HIGD1A: variants seen among roughly 807,000 people sequenced by gnomAD.
HIGD1A encodes HIG1 domain family member 1A, mitochondrial.
HIGD1A carries 8 observed loss-of-function variants against 11.3 expected under a neutral mutation model. The ratio of observed to expected loss-of-function variants is 0.71; its 90% confidence interval spans 0.42 to 1.28. The LOEUF is 1.28. HIGD1A is among the 50% of genes most tolerant of loss of function. HIGD1A has a pLI of 0.01. For missense variants in HIGD1A, 107 were observed against 118.8 expected, an observed-to-expected ratio of 0.90 and a Z score of 0.46; for synonymous variants, 32 against 38.4, an observed-to-expected ratio of 0.83 and a Z score of 0.62.
intron 3 of HIGD1A, 60 bp from the exon 4 acceptor site, chr3:42,785,380 A>T: frequency 7.2e-7 from 1 of 1,396,750 alleles, no homozygotes; most frequent in Non-Finnish European, 1.0e-6. Context: ...CAAAAATAAA[A>T]ACCAGTTCAT....
chr3:42,790,236 T>C (rs1203600023), intron 2 of HIGD1A, among the ~76,000 whole-genome samples: 1 of 152,084 alleles, frequency 6.6e-6, no homozygotes, highest in Non-Finnish European at 1.5e-5. Flanking sequence ...GAGAATCAAA[T>C]GAAACACAAC....
rs567784381 is a variant in HIGD1A at position 42,783,456 on chromosome 3, AAC to A, written c.*1813_*1814del. ...ATGGTGAAACCTCGCCTTTACTAAA[AAC>A]ACAAAAATTAGCCCGACATGGTGGC... is the stretch of plus-strand genomic sequence containing the variant. On this transcript the variant is annotated 3_prime_UTR_variant, in exon 4 of 4. Transcript: ENST00000321331. 5.4e-3 allele frequency among the ~76,000 whole-genome samples: 827 copies of A among 151,850 alleles called. 7 individuals carry two copies. Among genetic ancestry groups the A allele is most frequent in the African/African-American group, 0.019 (795 of 41,410 alleles).
chr3:42,789,132 C>T, intron 2 of HIGD1A, among the ~76,000 whole-genome samples: 1 of 149,018 alleles, frequency 6.7e-6, no homozygotes, highest in East Asian at 2.0e-4. Context: ...CCTCCGACTC[C>T]TGAGTTCAAG....
At chr3:42,785,993 G>A (rs766434718) in intron 3 of HIGD1A, 35 bp downstream of exon 3, 21 of 1,609,004 alleles carry the variant, frequency 1.3e-5, no homozygotes, top group Non-Finnish European at 1.7e-5. Flanking sequence ...ACCTTAATGA[G>A]AAACGAAAAT....
At chr3:42,787,590 C>CA (rs375399059) in intron 2 of HIGD1A, among the ~76,000 whole-genome samples, 1,361 of 115,902 alleles carry the variant, frequency 0.012, 57 homozygotes, top group African/African-American at 0.037. Context: ...GACTCCATCT[C>CA]AAAAATATAT....
chr3:42,790,509 A>T (rs1353366808), intron 2 of HIGD1A, among the ~76,000 whole-genome samples: 1 of 152,188 alleles, frequency 6.6e-6, no homozygotes, highest in Non-Finnish European at 1.5e-5. Context: ...CTCCAGCCTG[A>T]GCGACAGAGC....
At position 42,784,476 on chromosome 3, in the gene HIGD1A, A is replaced by G. The variant is rs976683651; in HGVS notation, c.*795T>C. The G allele has an allele frequency of 2.0e-5, 3 of 152,578 alleles. No individual in the cohort carries two copies. Among genetic ancestry groups the G allele is most frequent in the Non-Finnish European group, 4.4e-5 (3 of 68,052 alleles). 9.5% of individuals were successfully genotyped at this position (152,578 alleles called of 1,614,324 possible). On this transcript the variant is annotated 3_prime_UTR_variant, in exon 4 of 4. Transcript: ENST00000321331. ...TCATAAGTCATTAACCAAATCCATT[A>G]TAGGTAATTTGTTCAGTTCAATGTT...
intron 1 of HIGD1A, among the ~76,000 whole-genome samples, chr3:42,802,680 A>G (rs1700581604): frequency 6.6e-6 from 1 of 152,232 alleles, no homozygotes; most frequent in Non-Finnish European, 1.5e-5. Context: ...AAATCAGATG[A>G]ATAATCCAAG....
At chr3:42,790,508 G>A (rs1292379906) in intron 2 of HIGD1A, among the ~76,000 whole-genome samples, 1 of 152,210 alleles carries the variant, frequency 6.6e-6, no homozygotes, top group East Asian at 1.9e-4. Flanking sequence ...ACTCCAGCCT[G>A]AGCGACAGAG....
At chr3:42,789,569 A>AC (rs1406366260) in intron 2 of HIGD1A, among the ~76,000 whole-genome samples, 2 of 151,362 alleles carry the variant, frequency 1.3e-5, no homozygotes, top group African/African-American at 4.8e-5. Context: ...TCCAAGAACA[A>AC]AAAAAAAAAC....
chr3:42,804,173 C>T, intron 1 of HIGD1A: 6 of 1,611,376 alleles, frequency 3.7e-6, no homozygotes, highest in Non-Finnish European at 4.2e-6. Context: ...GCAACTCACT[C>T]CACAAGCTTC....
chr3:42,801,435 G>C (rs1363782288), intron 1 of HIGD1A, among the ~76,000 whole-genome samples: 1 of 152,172 alleles, frequency 6.6e-6, no homozygotes, highest in Non-Finnish European at 1.5e-5. Flanking sequence ...CTTCAAGTCA[G>C]GGACCAATAC....
rs1290251017 is a variant in HIGD1A at position 42,783,235 on chromosome 3, TG to T, written c.*2035del. Among the ~76,000 whole-genome samples, 29 of 152,056 alleles carry T rather than the reference TG, an allele frequency of 1.9e-4. No homozygotes were observed. Among genetic ancestry groups the T allele is most frequent in the African/African-American group, 6.8e-4 (28 of 41,390 alleles). On this transcript the variant is annotated 3_prime_UTR_variant, in exon 4 of 4. Transcript: ENST00000321331. ...AAATTGAGAGAAAAGGAAAAGAAAG[TG>T]GAAGTTCACTGATACAATAATAGTT...
At chr3:42,795,218 G>C in intron 1 of HIGD1A, among the ~76,000 whole-genome samples, 1 of 71,598 alleles carries the variant, frequency 1.4e-5, no homozygotes, top group Non-Finnish European at 2.7e-5. Flanking sequence ...CTTATGATTA[G>C]CTTTTTTTTT....
chr3:42,804,286 C>G (rs1042283033), intron 1 of HIGD1A, 150 bp downstream of exon 1: 1 of 1,262,578 alleles, frequency 7.9e-7, no homozygotes, highest in Non-Finnish European at 1.1e-6. Context: ...GGCCTGAGCC[C>G]CGGCAACTCC....
Position 42,785,245 on chromosome 3 carries a change from AC to A in HIGD1A, c.*25del. The A allele has an allele frequency of 6.3e-7, 1 of 1,595,290 alleles. No individual in the cohort carries two copies. On this transcript the variant is annotated 3_prime_UTR_variant, in exon 4 of 4. Coordinates refer to ENST00000321331, the MANE Select transcript of HIGD1A (RefSeq NM_014056.4). ...CATCTAACTAAAGCAAGCTCCTCCAACAAGACCAAGACAGCATCTCTTCTTC... is the reference window on the plus strand; with the variant it reads ...CATCTAACTAAAGCAAGCTCCTCCAAAAGACCAAGACAGCATCTCTTCTTC...
chr3:42,801,426 T>C (rs988947227), intron 1 of HIGD1A, among the ~76,000 whole-genome samples: 3 of 152,222 alleles, frequency 2.0e-5, no homozygotes, highest in Admixed American at 1.3e-4. Context: ...GCTAGAATCC[T>C]TCAAGTCAGG....
At chr3:42,795,112 C>A (rs1700478459) in intron 1 of HIGD1A, among the ~76,000 whole-genome samples, 1 of 151,692 alleles carries the variant, frequency 6.6e-6, no homozygotes, top group African/African-American at 2.4e-5. Flanking sequence ...TTTTTGTATT[C>A]TTTAGTAGAG....
At chr3:42,794,090 T>C in intron 2 of HIGD1A, 67 bp downstream of exon 2, 1 of 1,458,150 alleles carries the variant, frequency 6.9e-7, no homozygotes, top group Non-Finnish European at 9.3e-7. Flanking sequence ...TTTCAGGATA[T>C]TGCTAAATGA....
Sources: gnomAD v4.1 joint callset for allele counts (sites outside exome capture counted in the v4.1 genomes callset) on GRCh38, gnomAD v4.1.1 for gene constraint, MANE v1.5 for transcripts, NCBI Gene and HGNC (gene_info 2026-07-23, HGNC 2026-07-21) for gene names.